The following LIPC variants were observed in gnomAD, a reference collection of about 807,000 sequenced individuals.
LIPC encodes the protein hepatic triacylglycerol lipase.
In LIPC, 44 loss-of-function variants were observed where a neutral mutation model predicts 50.7. The ratio of observed to expected loss-of-function variants is 0.87; its 90% confidence interval spans 0.68 to 1.11. The LOEUF is 1.11. Ranked by LOEUF, LIPC falls within the 50% of genes most tolerant of loss-of-function variation. The pLI is 0.00. For missense variants in LIPC, 697 were observed against 648.2 expected (o/e 1.08, Z -0.82); for synonymous variants, 271 against 256.4 (o/e 1.06, Z -0.54).
At position 58,541,943 on chromosome 15, in the gene LIPC, C is replaced by T. The variant is rs769425583; in HGVS notation, c.432C>T (p.Val144=). Residue 144 remains valine (V), a synonymous_variant, in exon 3 of 9, where the codon GTC becomes GTT. Transcript: ENST00000299022. ...VRNTRLVGKE[V]AALLRWLEES... is the part of the protein sequence containing the mutation. ...ACACCCGCCTTGTGGGCAAGGAGGT[C>T]GCGGCTCTTCTCCGGTGGCTGGAGG... 4.4e-5 allele frequency: 71 copies of T among 1,610,714 alleles called. No individual in the cohort carries two copies. The highest frequency in any genetic ancestry group is 1.6e-4 in the Middle Eastern group (1 of 6,080).
intron 1 of LIPC, among the ~76,000 whole-genome samples, chr15:58,531,104 C>T (rs1208189832): frequency 2.0e-5 from 3 of 152,124 alleles, no homozygotes; most frequent in African/African-American, 4.8e-5. Context: ...ATTTTTTGTT[C>T]TCACCAGCAA....
At chr15:58,477,886 C>T (rs757694553) in intron 1 of LIPC, among the ~76,000 whole-genome samples, 1 of 152,078 alleles carries the variant, frequency 6.6e-6, no homozygotes, top group Admixed American at 6.5e-5. Flanking sequence ...AAAATTTGAG[C>T]CACATGGCAG....
At chr15:58,546,352 G>C (rs1595940256) in intron 5 of LIPC, among the ~76,000 whole-genome samples, 1 of 152,310 alleles carries the variant, frequency 6.6e-6, no homozygotes, top group African/African-American at 2.4e-5. Context: ...TCGTTCCAGG[G>C]ACCGCCTCTA....
rs192682804 is a variant in LIPC, at chr15:58,514,313, T to C, written c.89-24020T>C. On this transcript the variant is annotated intron_variant, in intron 1 of 8. Coordinates refer to ENST00000299022, the MANE Select transcript of LIPC (RefSeq NM_000236.3). ...AGTGATTAAAGTCAAACAATGTCTATAAGGCATTTGCAAAGCATTAGCAGT... is the reference window on the plus strand; with the variant it reads ...AGTGATTAAAGTCAAACAATGTCTACAAGGCATTTGCAAAGCATTAGCAGT... Among the ~76,000 whole-genome samples, 544 of 152,336 alleles carry C rather than the reference T, an allele frequency of 3.6e-3. 1 individual carries two copies. The highest frequency in any genetic ancestry group is 5.6e-3 in the East Asian group (29 of 5,188).
intron 1 of LIPC, among the ~76,000 whole-genome samples, chr15:58,506,769 T>C (rs974117235): frequency 1.3e-5 from 2 of 152,142 alleles, no homozygotes; most frequent in Non-Finnish European, 1.5e-5. Flanking sequence ...TGGGGGAAGA[T>C]GCTACAGGTG....
At chr15:58,541,575 T>C (rs1391436852) in intron 2 of LIPC, among the ~76,000 whole-genome samples, 1 of 152,046 alleles carries the variant, frequency 6.6e-6, no homozygotes, top group Non-Finnish European at 1.5e-5. Context: ...TGGCATCTAG[T>C]TGGTGAAGGC....
intron 1 of LIPC, among the ~76,000 whole-genome samples, chr15:58,537,376 G>A (rs972238493): frequency 9.2e-5 from 14 of 152,144 alleles, no homozygotes; most frequent in Admixed American, 2.6e-4. Context: ...AAGGCCCTTC[G>A]GTCAAACAAC....
intron 1 of LIPC, among the ~76,000 whole-genome samples, chr15:58,510,910 G>A (rs1165667264): frequency 6.6e-6 from 1 of 152,242 alleles, no homozygotes; most frequent in Admixed American, 6.5e-5. Context: ...AGTTGGTGAG[G>A]ATAACAGCAC....
intron 1 of LIPC, among the ~76,000 whole-genome samples, chr15:58,488,127 C>G (rs554839615): frequency 6.6e-6 from 1 of 152,148 alleles, no homozygotes; most frequent in African/African-American, 2.4e-5. Context: ...AAAAATTAGC[C>G]GGGCATGGTA....
At chr15:58,468,457 A>C (rs139819097) in intron 1 of LIPC, among the ~76,000 whole-genome samples, 40 of 152,232 alleles carry the variant, frequency 2.6e-4, no homozygotes, top group African/African-American at 9.2e-4. Context: ...AGATCTCCAG[A>C]AGATTCTGAT....
At chr15:58,443,933 A>G (rs1351578754) in intron 1 of LIPC, among the ~76,000 whole-genome samples, 8 of 152,208 alleles carry the variant, frequency 5.3e-5, no homozygotes, top group African/African-American at 1.9e-4. Flanking sequence ...GGGAGATTAC[A>G]AAGTACATTG....
intron 5 of LIPC, among the ~76,000 whole-genome samples, chr15:58,547,899 C>T (rs781578354): frequency 5.9e-5 from 9 of 152,074 alleles, no homozygotes; most frequent in South Asian, 2.1e-4. Context: ...AGGAGTCCCA[C>T]GCAAGCCTGT....
At chr15:58,531,625 T>TAAAAA (rs1892961937) in intron 1 of LIPC, among the ~76,000 whole-genome samples, 1 of 4,068 alleles carries the variant, frequency 2.5e-4, no homozygotes, top group Non-Finnish European at 8.2e-4. Flanking sequence ...CAAAATGGAC[T>TAAAAA]CAAAAAAAAA....
At chr15:58,557,416 G>T (rs1893993860) in intron 6 of LIPC, among the ~76,000 whole-genome samples, 1 of 79,454 alleles carries the variant, frequency 1.3e-5, no homozygotes, top group Admixed American at 2.0e-4. Flanking sequence ...ATGTAGTCTT[G>T]CTCTGTCACC....
chr15:58,516,135 T>A (rs2140866665), intron 1 of LIPC, among the ~76,000 whole-genome samples: 1 of 152,072 alleles, frequency 6.6e-6, no homozygotes, highest in South Asian at 2.1e-4. Context: ...ACCTTAAAGG[T>A]GCTGCCCCAT....
At chr15:58,432,246 A>G (rs535590786) in intron 1 of LIPC, 126 bp downstream of exon 1, 1 of 757,754 alleles carries the variant, frequency 1.3e-6, no homozygotes, top group African/African-American at 1.7e-5. Context: ...AGGTGGTTCT[A>G]TACACGACCT....
intron 1 of LIPC, among the ~76,000 whole-genome samples, chr15:58,504,973 T>C (rs1372431699): frequency 1.1e-4 from 16 of 152,286 alleles, no homozygotes; most frequent in African/African-American, 3.6e-4. Flanking sequence ...ATAGAACTCA[T>C]GAGGCCAGTT....
intron 1 of LIPC, among the ~76,000 whole-genome samples, chr15:58,459,617 A>C (rs1028255695): frequency 6.6e-6 from 1 of 152,056 alleles, no homozygotes; most frequent in Non-Finnish European, 1.5e-5. Flanking sequence ...ATATTAAGCA[A>C]TTTTTACATT....
chr15:58,437,163 T>C (rs1265448147), intron 1 of LIPC, among the ~76,000 whole-genome samples: 1 of 152,164 alleles, frequency 6.6e-6, no homozygotes, highest in Admixed American at 6.5e-5. Context: ...GCACTCACAG[T>C]TTAACACCAG....
Sources: gnomAD v4.1 joint callset for allele counts (sites outside exome capture counted in the v4.1 genomes callset) on GRCh38, gnomAD v4.1.1 for gene constraint, MANE v1.5 for transcripts, NCBI Gene and HGNC (gene_info 2026-07-23, HGNC 2026-07-21) for gene names.